COL27A1: variants seen among roughly 807,000 people sequenced by gnomAD.
COL27A1 encodes collagen alpha-1(XXVII) chain.
In COL27A1, 106 loss-of-function variants were observed where a neutral mutation model predicts 251.3. That is an observed-to-expected ratio of 0.42 (90% CI 0.36 to 0.50). The LOEUF (loss-of-function observed/expected upper bound fraction) is 0.50, where lower values mean the gene tolerates loss of function less well. COL27A1 is among the 20% of genes least tolerant of loss of function. The probability of loss-of-function intolerance (pLI) is 0.00; values close to 1 mark genes in which losing one functional copy is unlikely to be tolerated. For synonymous variants in COL27A1, 1,000 were observed against 986.3 expected, an observed-to-expected ratio of 1.01 and a Z score of -0.26; for missense variants, 2,325 against 2,522.8, an observed-to-expected ratio of 0.92 and a Z score of 1.68.
At position 114,252,942 on chromosome 9, in the gene COL27A1, GCCCTCGTGAT is replaced by G; in HGVS notation, c.3141+15_3141+24del. ...AGAGCCTGGACCCCAGGTAAGCAAAGCCCTCGTGATCCCTAAGCTCAAACCACTGTCAGAT... is the reference window on the plus strand; with the variant it reads ...AGAGCCTGGACCCCAGGTAAGCAAAGCCCTAAGCTCAAACCACTGTCAGAT... On this transcript the variant is annotated intron_variant, in intron 27 of 60. Coordinates refer to ENST00000356083, the MANE Select transcript of COL27A1 (RefSeq NM_032888.4). 1 of 1,610,036 alleles carries G rather than the reference GCCCTCGTGAT, an allele frequency of 6.2e-7. No homozygotes were observed. Among genetic ancestry groups the G allele is most frequent in the Non-Finnish European group, 8.5e-7 (1 of 1,177,440 alleles).
intron 7 of COL27A1, among the ~76,000 whole-genome samples, chr9:114,197,862 C>G (rs1274118321): frequency 6.6e-6 from 1 of 152,226 alleles, no homozygotes; most frequent in African/African-American, 2.4e-5. Context: ...CACCCACTTA[C>G]AGAGGGTGCT....
chr9:114,209,695 G>A lies in COL27A1; in HGVS notation c.2289G>A (p.Gly763=). Residue 763 remains glycine, a synonymous_variant, in exon 11 of 61, where the codon GGG becomes GGA. Coordinates refer to ENST00000356083, the MANE Select transcript of COL27A1 (RefSeq NM_032888.4). ...KGSRGYIGLP[G]LFGLPGSDGE... ...CCTAGGGCTACATTGGGCTCCCAGG[G>A]CTCTTCGGCCTGCCAGGGTCTGATG... is the stretch of plus-strand genomic sequence containing the variant. 1 of 1,614,180 alleles carries A rather than the reference G, an allele frequency of 6.2e-7. No individual in the cohort carries two copies.
chr9:114,260,774 G>A (rs557527346), intron 28 of COL27A1, among the ~76,000 whole-genome samples: 74 of 152,268 alleles, frequency 4.9e-4, no homozygotes, highest in African/African-American at 1.6e-3. Context: ...ATGGGCCTAC[G>A]GCAAGTCTCA....
rs549672217 is a variant in COL27A1 at position 114,288,603 on chromosome 9, G to A, written c.4044+92G>A. 4.5e-6 allele frequency: 7 copies of A among 1,546,696 alleles called. No homozygotes were observed. The South Asian group carries it at 8.3e-5, about 18-fold the overall frequency. ...AGAGGGGTGGGCCGATCAGGGGCCAGGTCCCTGAGAGCTCCGCAGAGGTCG... is the reference window on the plus strand; with the variant it reads ...AGAGGGGTGGGCCGATCAGGGGCCAAGTCCCTGAGAGCTCCGCAGAGGTCG... On this transcript the variant is annotated intron_variant, in intron 42 of 60. Transcript: ENST00000356083.
upstream of COL27A1, among the ~76,000 whole-genome samples, chr9:114,155,205 T>C (rs1848049020): frequency 6.6e-6 from 1 of 151,634 alleles, no homozygotes; most frequent in East Asian, 1.9e-4. The surrounding 1 kb of genome is among the most constrained non-coding windows in gnomAD (Gnocchi z 5.5). Flanking sequence ...CTTCCAGGAG[T>C]AGAATTTGGC....
At chr9:114,277,486 A>G (rs957702251) in intron 37 of COL27A1, among the ~76,000 whole-genome samples, 4 of 152,222 alleles carry the variant, frequency 2.6e-5, no homozygotes, top group Admixed American at 2.0e-4. Flanking sequence ...AAGTGTTTAC[A>G]TGACTAACCT....
chr9:114,159,134 A>C (rs1475761547), intron 1 of COL27A1, among the ~76,000 whole-genome samples: 2 of 152,232 alleles, frequency 1.3e-5, no homozygotes, highest in African/African-American at 4.8e-5. Flanking sequence ...TGGAGGTTGA[A>C]TACTTCTGTA....
intron 59 of COL27A1, among the ~76,000 whole-genome samples, chr9:114,308,552 G>A (rs1038540961): frequency 2.9e-4 from 44 of 152,178 alleles, no homozygotes; most frequent in African/African-American, 8.2e-4. Flanking sequence ...GGTCAGACTC[G>A]AAACTCCCCT....
intron 37 of COL27A1, among the ~76,000 whole-genome samples, chr9:114,279,352 A>G (rs140339710): frequency 9.1e-4 from 138 of 152,314 alleles, no homozygotes; most frequent in Non-Finnish European, 1.7e-3. Context: ...ACAAACATTT[A>G]TGTGGAATGA....
At chr9:114,304,483 A>G in intron 56 of COL27A1, 125 bp from the exon 57 acceptor site, 1 of 788,840 alleles carries the variant, frequency 1.3e-6, no homozygotes, top group Non-Finnish European at 2.2e-6. Flanking sequence ...AAGGACCGAG[A>G]GTTCTGCAGA....
At chr9:114,267,614 G>A (rs567997922) in intron 34 of COL27A1, 57 bp downstream of exon 34, 8 of 1,439,950 alleles carry the variant, frequency 5.6e-6, no homozygotes, top group Non-Finnish European at 7.7e-6. Context: ...CCCAGATGGT[G>A]GCCACATCCT....
At position 114,194,445 on chromosome 9, in the gene COL27A1, C is replaced by T. The variant is rs767457458; in HGVS notation, c.2058C>T (p.His686=). The T allele has an allele frequency of 3.0e-5, 49 of 1,612,088 alleles. No individual in the cohort carries two copies. The South Asian group carries it at 3.5e-4, about 12-fold the overall frequency. Residue 686 remains histidine, a synonymous_variant, in exon 6 of 61, where the codon CAC becomes CAT. Coordinates refer to ENST00000356083, the MANE Select transcript of COL27A1 (RefSeq NM_032888.4). ...GDPGLSPGKA[H]DGAKGDMGLP... is the part of the protein sequence containing the mutation. Reference sequence around the variant, plus strand: ...CAGGGCTCTCACCAGGAAAGGCCCACGATGGGGCAAAGGTAGGTTTCCAGG... The same window carrying T: ...CAGGGCTCTCACCAGGAAAGGCCCATGATGGGGCAAAGGTAGGTTTCCAGG...
intron 49 of COL27A1, among the ~76,000 whole-genome samples, chr9:114,297,400 C>G (rs1230704809): frequency 6.6e-6 from 1 of 152,016 alleles, no homozygotes; most frequent in African/African-American, 2.4e-5. Context: ...ACAAATATGC[C>G]TTATGAATAC....
At chr9:114,245,532 C>CAG (rs1833071437) in intron 23 of COL27A1, among the ~76,000 whole-genome samples, 1 of 152,174 alleles carries the variant, frequency 6.6e-6, no homozygotes, top group African/African-American at 2.4e-5. Context: ...TGACCTCAGG[C>CAG]AGGTCACTTC....
At chr9:114,291,592 T>C (rs973011987) in intron 48 of COL27A1, among the ~76,000 whole-genome samples, 1 of 151,918 alleles carries the variant, frequency 6.6e-6, no homozygotes, top group African/African-American at 2.4e-5. Context: ...CTACTAAAAA[T>C]ACAAAAATTA....
At position 114,155,604 on chromosome 9, in the gene COL27A1, G is replaced by A. The variant is rs1469219837; in HGVS notation, c.-347G>A. The A allele has an allele frequency of 8.5e-5, 13 of 152,296 alleles. No individual in the cohort carries two copies. The highest frequency in any genetic ancestry group is 1.9e-4 in the Non-Finnish European group (13 of 68,166). 9.4% of individuals were successfully genotyped at this position (152,296 alleles called of 1,614,324 possible). A position where few individuals can be genotyped will look rare whatever the true frequency, so the allele number is the denominator to read the frequency against. The stretch of plus-strand genomic sequence containing the variant: ...ACCGCCCTCCGCGCGCCCTCACCCG[G>A]CCTTGCTCTGCCTCCGGGGACCGCC... On this transcript the variant is annotated 5_prime_UTR_variant, in exon 1 of 61. Coordinates refer to ENST00000356083, the MANE Select transcript of COL27A1 (RefSeq NM_032888.4). The surrounding 1 kb of genome is among the most constrained non-coding windows in gnomAD (Gnocchi z 5.5).
intron 13 of COL27A1, 103 bp downstream of exon 13, chr9:114,219,947 C>G: frequency 2.3e-6 from 2 of 878,360 alleles, no homozygotes; most frequent in South Asian, 2.7e-5. Context: ...GGGTCAAATC[C>G]CAGCCCTGTG....
chr9:114,288,619 G>T (rs1163961268), intron 42 of COL27A1, 83 bp from the exon 43 acceptor site: 2 of 1,556,584 alleles, frequency 1.3e-6, no homozygotes, highest in Non-Finnish European at 1.8e-6. Flanking sequence ...TGAGAGCTCC[G>T]CAGAGGTCGC....
Position 114,235,611 on chromosome 9 carries a change from G to A in COL27A1, c.2578G>A (p.Val860Ile). Residue 860 changes from valine to isoleucine, a missense_variant, in exon 17 of 61, where the codon GTT becomes ATT. Physicochemically the swap from Val to Ile is conservative, Grantham distance 29. Around this residue, in one of 4 missense-constraint regions of COL27A1, gnomAD observed 662 missense variants for 795.3 expected, o/e 0.83. Coordinates refer to ENST00000356083, the MANE Select transcript of COL27A1 (RefSeq NM_032888.4). ...GGTGTGTACTTAGGGTGAACAAGGG[G>A]TTCCAGGTGTGTCAGGAGATCCCGG... is the stretch of plus-strand genomic sequence containing the variant. ...GLKGDKGEQG[V>I]PGVSGDPGFQ... The A allele has an allele frequency of 6.2e-7, 1 of 1,613,804 alleles. No individual in the cohort carries two copies. Among genetic ancestry groups the A allele is most frequent in the South Asian group, 1.1e-5 (1 of 91,066 alleles).
Sources: gnomAD v4.1 joint callset for allele counts (sites outside exome capture counted in the v4.1 genomes callset) on GRCh38, gnomAD v4.1.1 for gene constraint, gnomAD v4.1.1 regional missense constraint, Gnocchi (gnomAD v3.1) non-coding constraint, MANE v1.5 for transcripts, NCBI Gene and HGNC (gene_info 2026-07-23, HGNC 2026-07-21) for gene names.